The following CR1L variants were observed in gnomAD, a reference collection of about 807,000 sequenced individuals.
The protein encoded by CR1L is complement C3b/C4b receptor 1 like.
Under a neutral mutation model 62.3 loss-of-function variants are expected in CR1L, and 59 were observed. The observed-to-expected ratio is 0.95, with a 90% CI of 0.77 to 1.18. The LOEUF (loss-of-function observed/expected upper bound fraction) is 1.18. Among genes scored for constraint, CR1L ranks in the 50% most tolerant of loss-of-function variants. CR1L has a pLI of 0.00. For missense variants in CR1L, 700 were observed against 702.8 expected (o/e 1.00, Z 0.04); for synonymous variants, 279 against 248.7 (o/e 1.12, Z -1.15).
At chr1:207,655,524 G>A (rs191682611) in intron 1 of CR1L, among the ~76,000 whole-genome samples, 13 of 152,244 alleles carry the variant, frequency 8.5e-5, no homozygotes, top group Non-Finnish European at 1.5e-4. Context: ...CCAGGCTGGA[G>A]CACAGTGGCA....
chr1:207,712,700 A>G (rs1664377646), intron 10 of CR1L, among the ~76,000 whole-genome samples: 2 of 152,166 alleles, frequency 1.3e-5, no homozygotes, highest in African/African-American at 2.4e-5. Flanking sequence ...CCCCAGATGT[A>G]CAGGTGCCTC....
chr1:207,710,540 A>G (rs1195983593), intron 10 of CR1L: 4 of 1,609,286 alleles, frequency 2.5e-6, no homozygotes, highest in Admixed American at 1.7e-5. Flanking sequence ...CATATACTGC[A>G]CCAGCAAAGA....
At chr1:207,711,387 T>A (rs1664355023) in intron 10 of CR1L, 1 of 160,106 alleles carries the variant, frequency 6.2e-6, no homozygotes, top group South Asian at 1.8e-4. Flanking sequence ...GCTTGTGTTC[T>A]GGTCACAATC....
At chr1:207,705,283 AT>A (rs1664250050) in intron 9 of CR1L, among the ~76,000 whole-genome samples, 1 of 152,230 alleles carries the variant, frequency 6.6e-6, no homozygotes, top group African/African-American at 2.4e-5. Flanking sequence ...CAAAGATTGT[AT>A]TTCCAAATAA....
In CR1L at chr1:207,697,571, G is replaced by A. The variant is rs201832831; in HGVS notation, c.931G>A (p.Gly311Arg). 1.9e-4 allele frequency: 307 copies of A among 1,613,782 alleles called. 2 individuals carry two copies. In the East Asian group the frequency reaches 3.3e-3, roughly 17 times the overall value. ...TQRDKDNFSP[G>R]QEVFYSCEPG... is the part of the protein sequence containing the mutation. ...AAGGGACAAGGACAACTTTTCACCC[G>A]GGCAGGAAGTGTTCTACAGCTGTGA... is the stretch of plus-strand genomic sequence containing the variant. Residue 311 changes from glycine to arginine, a missense_variant, in exon 6 of 12, where the codon GGG becomes AGG. Gly to Arg is a moderately radical substitution (Grantham distance 125). Coordinates refer to ENST00000508064, the MANE Select transcript of CR1L (RefSeq NM_175710.2).
chr1:207,683,070 C>CTCTT (rs761797868), intron 3 of CR1L, among the ~76,000 whole-genome samples: 1 of 135,596 alleles, frequency 7.4e-6, no homozygotes. Flanking sequence ...TTCTTTCTTT[C>CTCTT]TCTTTCTTTC....
At chr1:207,652,633 TA>T in intron 1 of CR1L, 1 of 1,315,232 alleles carries the variant, frequency 7.6e-7, no homozygotes, top group African/African-American at 1.4e-5. Context: ...ACAAGTAGAT[TA>T]TAAGTGTAAA....
intron 3 of CR1L, among the ~76,000 whole-genome samples, chr1:207,682,990 T>TTCTTTC (rs1449527510): frequency 6.0e-4 from 83 of 138,034 alleles, no homozygotes; most frequent in Middle Eastern, 7.5e-3. Flanking sequence ...CTTTCTTTCT[T>TTCTTTC]TTTTTCTTTC....
chr1:207,676,206 T>C (rs1350144614), intron 1 of CR1L, among the ~76,000 whole-genome samples: 2 of 152,210 alleles, frequency 1.3e-5, no homozygotes, highest in Non-Finnish European at 2.9e-5. Context: ...AATAGCTTAG[T>C]TTTCTTCAAA....
chr1:207,678,427 G>A (rs1663737537), intron 3 of CR1L, 130 bp downstream of exon 3: 1 of 754,224 alleles, frequency 1.3e-6, no homozygotes, highest in East Asian at 2.7e-5. Flanking sequence ...TTCAACACAG[G>A]TGCTTAGCTC....
intron 8 of CR1L, 44 bp downstream of exon 8, chr1:207,699,318 T>C (rs1664156534): frequency 6.2e-7 from 1 of 1,609,278 alleles, no homozygotes; most frequent in Non-Finnish European, 8.5e-7. Flanking sequence ...CTCCCCTTCA[T>C]CTGTTCAGTA....
rs189681466 is a variant in CR1L, at chr1:207,705,372, C to A, written c.1329-2806C>A. ...ACACAATTCAACCTATAACAGAGTC[C>A]CTTTGAAAATGTCAAGTGTCAGGTG... is the stretch of plus-strand genomic sequence containing the variant. On this transcript the variant is annotated intron_variant, in intron 9 of 11. Transcript: ENST00000508064. 2.6e-5 allele frequency among the ~76,000 whole-genome samples: 4 copies of A among 152,306 alleles called. No individual in the cohort carries two copies. In the East Asian group the frequency reaches 7.7e-4, roughly 29 times the overall value.
At chr1:207,652,604 C>T in intron 1 of CR1L, 3 of 1,529,824 alleles carry the variant, frequency 2.0e-6, no homozygotes, top group Non-Finnish European at 2.7e-6. Flanking sequence ...AAACCAAAAC[C>T]CTACTATGAG....
intron 7 of CR1L, among the ~76,000 whole-genome samples, chr1:207,698,505 G>A (rs748048615): frequency 1.3e-5 from 2 of 152,066 alleles, no homozygotes; most frequent in South Asian, 2.1e-4. Context: ...ATCTCTACAC[G>A]GGAGCTGACC....
chr1:207,661,171 C>A (rs905777337), intron 1 of CR1L, among the ~76,000 whole-genome samples: 5 of 152,140 alleles, frequency 3.3e-5, no homozygotes, highest in African/African-American at 9.7e-5. Context: ...CTGCTTGGTG[C>A]AGAGCTGAGT....
rs1663236925 is a variant in CR1L at position 207,652,444 on chromosome 1, G to A, written c.97+7114G>A. ...ACAGTCATTTAAAATCTTGCCAAGGGCCTTCCTATTTTTTCTGTACTACCT... is the reference window on the plus strand; with the variant it reads ...ACAGTCATTTAAAATCTTGCCAAGGACCTTCCTATTTTTTCTGTACTACCT... On this transcript the variant is annotated intron_variant, in intron 1 of 11. Transcript: ENST00000508064. 1.7e-5 allele frequency: 12 copies of A among 713,066 alleles called. No homozygotes were observed. In the East Asian group the frequency reaches 2.9e-4, roughly 17 times the overall value. 44.2% of individuals were successfully genotyped at this position (713,066 alleles called of 1,614,324 possible). A position where few individuals can be genotyped will look rare whatever the true frequency, so the allele number is the denominator to read the frequency against.
intron 1 of CR1L, among the ~76,000 whole-genome samples, chr1:207,665,806 C>T (rs1031429665): frequency 1.3e-5 from 2 of 152,182 alleles, no homozygotes; most frequent in Non-Finnish European, 2.9e-5. Flanking sequence ...AAATAAGAAA[C>T]ACACGTAGCC....
intron 4 of CR1L, among the ~76,000 whole-genome samples, chr1:207,691,934 A>T (rs1664003921): frequency 6.6e-6 from 1 of 152,250 alleles, no homozygotes; most frequent in African/African-American, 2.4e-5. Flanking sequence ...ACTCCTGCCC[A>T]GCTGCGTGGT....
At chr1:207,669,474 G>T in intron 1 of CR1L, 4 of 1,539,572 alleles carry the variant, frequency 2.6e-6, no homozygotes, top group Non-Finnish European at 3.6e-6. Flanking sequence ...GAAGCCGGGA[G>T]CCTGTTGGGC....
Sources: allele counts gnomAD v4.1 joint callset (sites outside exome capture counted in the v4.1 genomes callset), GRCh38; gene constraint gnomAD v4.1.1; transcripts MANE v1.5; gene names NCBI Gene and HGNC (gene_info 2026-07-23, HGNC 2026-07-21).